The following GLYAT variants were observed in gnomAD, a reference collection of about 807,000 sequenced individuals.
GLYAT encodes the protein glycine-N-acyltransferase.
Under a neutral mutation model 22.8 loss-of-function variants are expected in GLYAT, and 25 were observed. The ratio of observed to expected loss-of-function variants is 1.09; its 90% CI spans 0.80 to 1.53. The LOEUF is 1.53. Among genes scored for constraint, GLYAT ranks in the 40% most tolerant of loss-of-function variants. The pLI is 0.00. For missense variants in GLYAT, 411 were observed against 353.9 expected (o/e 1.16, Z -1.29); for synonymous variants, 140 against 122.7 (o/e 1.14, Z -0.93).
chr11:58,716,153 G>A (rs1230378269), intron 2 of GLYAT, among the ~76,000 whole-genome samples: 2 of 152,082 alleles, frequency 1.3e-5, no homozygotes, highest in Non-Finnish European at 2.9e-5. Context: ...AGGGGTGAAA[G>A]AGAGGGTAGG....
intron 2 of GLYAT, among the ~76,000 whole-genome samples, chr11:58,716,303 T>C (rs932429160): frequency 1.3e-5 from 2 of 152,022 alleles, no homozygotes; most frequent in African/African-American, 4.8e-5. Context: ...AGCATGGAAA[T>C]ACACCAAAAA....
At chr11:58,715,999 A>G (rs1856675206) in intron 2 of GLYAT, among the ~76,000 whole-genome samples, 1 of 152,186 alleles carries the variant, frequency 6.6e-6, no homozygotes, top group Non-Finnish European at 1.5e-5. Context: ...TTGTTTCCAT[A>G]TAACTCTCTG....
chr11:58,718,485 G>T (rs774682545), intron 2 of GLYAT, among the ~76,000 whole-genome samples: 1 of 152,092 alleles, frequency 6.6e-6, no homozygotes, highest in African/African-American at 2.4e-5. Context: ...AGTCCTGAAA[G>T]TTTTTTCTCT....
chr11:58,712,745 A>T lies in GLYAT; in HGVS notation c.316+15T>A, dbSNP rs76187651. The T allele has an allele frequency of 5.3e-4, 854 of 1,611,522 alleles. 5 individuals are homozygous for T. In the African/African-American group the frequency reaches 0.011, roughly 20 times the overall value. On this transcript the variant is annotated intron_variant, in intron 4 of 5. Transcript: ENST00000344743. ...ACATAAGTGAGTCAGCACACATCCCATTCCTCTTACTTACTTTGAATCTGT... is the reference window on the plus strand; with the variant it reads ...ACATAAGTGAGTCAGCACACATCCCTTTCCTCTTACTTACTTTGAATCTGT...
chr11:58,710,975 C>T (rs1856608960), intron 4 of GLYAT, among the ~76,000 whole-genome samples: 1 of 152,166 alleles, frequency 6.6e-6, no homozygotes, highest in Non-Finnish European at 1.5e-5. Context: ...TCAATAGTAA[C>T]TTCCTCTAGA....
chr11:58,728,937 G>T (rs1231319033), intron 1 of GLYAT, among the ~76,000 whole-genome samples: 2 of 138,142 alleles, frequency 1.4e-5, no homozygotes, highest in African/African-American at 2.7e-5. Flanking sequence ...AAGGAAGGAA[G>T]GAAGGAAGGA....
At chr11:58,728,053 CTTTTTT>C (rs1173955703) in intron 1 of GLYAT, among the ~76,000 whole-genome samples, 12 of 68,650 alleles carry the variant, frequency 1.7e-4, no homozygotes, top group Non-Finnish European at 2.9e-4. Context: ...TGCTCTAAAG[CTTTTTT>C]TTTTTTTTTT....
intron 3 of GLYAT, 79 bp from the exon 4 acceptor site, chr11:58,712,965 T>A: frequency 1.1e-6 from 1 of 893,180 alleles, no homozygotes; most frequent in Non-Finnish European, 1.7e-6. Flanking sequence ...GTGATATTTC[T>A]AAGTAATAAA....
chr11:58,724,800 A>G (rs1351852491), intron 1 of GLYAT, among the ~76,000 whole-genome samples: 2 of 152,112 alleles, frequency 1.3e-5, no homozygotes, highest in Non-Finnish European at 2.9e-5. Flanking sequence ...TTTAGTTGCT[A>G]TTAGTGATTC....
At chr11:58,712,943 T>A in intron 3 of GLYAT, 57 bp from the exon 4 acceptor site, 1 of 1,145,156 alleles carries the variant, frequency 8.7e-7, no homozygotes. Context: ...TGATTACATA[T>A]AATTTTATAC....
At chr11:58,720,368 G>T (rs1228565586) in intron 2 of GLYAT, among the ~76,000 whole-genome samples, 1 of 151,806 alleles carries the variant, frequency 6.6e-6, no homozygotes, top group Non-Finnish European at 1.5e-5. Flanking sequence ...TATTTTAATT[G>T]TTTACCTGGA....
chr11:58,710,083 T>C lies in GLYAT; in HGVS notation c.574A>G (p.Arg192Gly), dbSNP rs775281871. The C allele has an allele frequency of 6.2e-7, 1 of 1,614,062 alleles. No individual in the cohort carries two copies. Among genetic ancestry groups the C allele is most frequent in the Non-Finnish European group, 8.5e-7 (1 of 1,179,940 alleles). ...CAGCGCTCAATGAATCTCTGGCTCC[T>C]CTCATTACCACCAAAATGCCAGAAT... ...NKFWHFGGNE[R>G]SQRFIERCIQ... The change falls in exon 6 of 6, where the codon AGG (arginine) becomes GGG (glycine). Residue 192 changes from arginine (R) to glycine (G), a missense_variant. Physicochemically the swap from Arg to Gly is moderately radical, Grantham distance 125. Coordinates refer to ENST00000344743, the MANE Select transcript of GLYAT (RefSeq NM_201648.3).
At position 58,724,520 on chromosome 11, in the gene GLYAT, A is replaced by G. The variant is rs1452475012; in HGVS notation, c.-15-9T>C. ...ATGGAGGATACCTTAGCCTAGAAAGACAACCAAGGAACATACAGGATTGAG... is the reference window on the plus strand; with the variant it reads ...ATGGAGGATACCTTAGCCTAGAAAGGCAACCAAGGAACATACAGGATTGAG... On this transcript the variant is annotated splice_polypyrimidine_tract_variant and intron_variant, in intron 1 of 5. Transcript: ENST00000344743. 6.9e-7 allele frequency: 1 copy of G among 1,454,336 alleles called. No homozygotes were observed. Among genetic ancestry groups the G allele is most frequent in the Admixed American group, 1.8e-5 (1 of 57,140 alleles). The allele number at this position is 1,454,336 out of a possible 1,614,324, so 90.1% of individuals were successfully genotyped here.
At chr11:58,720,820 A>C (rs529059575) in intron 2 of GLYAT, among the ~76,000 whole-genome samples, 125 of 152,188 alleles carry the variant, frequency 8.2e-4, no homozygotes, top group African/African-American at 2.9e-3. Context: ...TGGCAGGGAT[A>C]AGTATGAAAT....
intron 3 of GLYAT, 114 bp downstream of exon 3, chr11:58,715,202 G>C (rs1856664184): frequency 3.5e-6 from 2 of 573,144 alleles, no homozygotes; most frequent in African/African-American, 3.8e-5. Flanking sequence ...ATGGGGACTT[G>C]TTGACTATTA....
chr11:58,731,551 TA>T lies in GLYAT; in HGVS notation c.-16+283del, dbSNP rs569015780. On this transcript the variant is annotated intron_variant, in intron 1 of 5. Coordinates refer to ENST00000344743, the MANE Select transcript of GLYAT (RefSeq NM_201648.3). ...AGGTGTCACAAAGCAATAATTACAT[TA>T]AAAAAATAAATTTTATTGTGGATAT... is the stretch of plus-strand genomic sequence containing the variant. Among the ~76,000 whole-genome samples the T allele has an allele frequency of 1.4e-3, 208 of 152,256 alleles. 1 individual carries two copies. The highest frequency in any genetic ancestry group is 4.5e-3 in the African/African-American group (186 of 41,552).
chr11:58,728,187 T>C (rs956983884), intron 1 of GLYAT, among the ~76,000 whole-genome samples: 2 of 150,056 alleles, frequency 1.3e-5, no homozygotes, highest in African/African-American at 2.5e-5. Flanking sequence ...CTCAGATTCC[T>C]GAGTAGCTGG....
chr11:58,725,617 C>T (rs1048160787), intron 1 of GLYAT, among the ~76,000 whole-genome samples: 1 of 152,074 alleles, frequency 6.6e-6, no homozygotes, highest in Admixed American at 6.6e-5. Flanking sequence ...GACTGAGGGG[C>T]AGAAGGCAGA....
Position 58,731,910 on chromosome 11 carries a change from C to T in GLYAT, c.-91G>A, listed in dbSNP as rs892924880. 1.1e-4 allele frequency: 16 copies of T among 152,118 alleles called. No individual in the cohort carries two copies. The highest frequency in any genetic ancestry group is 3.6e-4 in the African/African-American group (15 of 41,416). 9.4% of individuals were successfully genotyped at this position (152,118 alleles called of 1,614,324 possible). ...CCCTTCTGGGAGATGAAATTTCTCC[C>T]TGATGCAGCCAGTTCAGCAGAGTCT... On this transcript the variant is annotated 5_prime_UTR_variant, in exon 1 of 6. Coordinates refer to ENST00000344743, the MANE Select transcript of GLYAT (RefSeq NM_201648.3).
Sources: gnomAD v4.1 joint callset for allele counts (sites outside exome capture counted in the v4.1 genomes callset) on GRCh38, gnomAD v4.1.1 for gene constraint, MANE v1.5 for transcripts, NCBI Gene and HGNC (gene_info 2026-07-23, HGNC 2026-07-21) for gene names.